The following LDLRAD4 variants were observed in gnomAD, a reference collection of about 807,000 sequenced individuals.
LDLRAD4 encodes the protein low-density lipoprotein receptor class A domain-containing protein 4.
A neutral mutation model predicts 17.0 loss-of-function variants in LDLRAD4; 5 were observed. The observed-to-expected ratio is 0.29, with a 90% CI of 0.15 to 0.62. LDLRAD4 has a LOEUF of 0.62. Among genes scored for constraint, LDLRAD4 ranks in the 20% least tolerant of loss-of-function variants. The pLI is 0.84. For missense variants in LDLRAD4, 340 were observed against 424.7 expected, an observed-to-expected ratio of 0.80 and a Z score of 1.75; for synonymous variants, 168 against 171.8, an observed-to-expected ratio of 0.98 and a Z score of 0.17.
chr18:13,223,497 C>G (rs563933499), intron 1 of LDLRAD4, among the ~76,000 whole-genome samples: 2 of 152,058 alleles, frequency 1.3e-5, no homozygotes, highest in African/African-American at 2.4e-5. Context: ...AGGGCTGGGC[C>G]GGCAATGCAC....
chr18:13,318,556 A>G (rs7230643), intron 1 of LDLRAD4, among the ~76,000 whole-genome samples: 1 of 152,040 alleles, frequency 6.6e-6, no homozygotes, highest in East Asian at 1.9e-4. Context: ...CTTAAGTGTG[A>G]CCTCATAAAA....
chr18:13,400,514 G>T (rs1166351487), intron 2 of LDLRAD4, among the ~76,000 whole-genome samples: 1 of 152,166 alleles, frequency 6.6e-6, no homozygotes, highest in Non-Finnish European at 1.5e-5. Context: ...TTCTCTTTGT[G>T]CAGTCCGTGC....
intron 1 of LDLRAD4, among the ~76,000 whole-genome samples, chr18:13,266,973 G>A (rs2044256194): frequency 6.6e-6 from 1 of 152,220 alleles, no homozygotes; most frequent in Non-Finnish European, 1.5e-5. Context: ...GAATCTCTTT[G>A]TGAAAGAACA....
intron 1 of LDLRAD4, among the ~76,000 whole-genome samples, chr18:13,368,986 G>A (rs1300976446): frequency 6.6e-6 from 1 of 152,210 alleles, no homozygotes; most frequent in Non-Finnish European, 1.5e-5. Context: ...TTACAGGTGT[G>A]AGCCACCGTG....
chr18:13,581,243 G>A (rs998452846), intron 3 of LDLRAD4, among the ~76,000 whole-genome samples: 3 of 152,188 alleles, frequency 2.0e-5, no homozygotes, highest in Non-Finnish European at 2.9e-5. Context: ...CACTTGTTGT[G>A]TCATGTCGGC....
intron 3 of LDLRAD4, among the ~76,000 whole-genome samples, chr18:13,513,523 T>G (rs2093815031): frequency 6.6e-6 from 1 of 152,228 alleles, no homozygotes; most frequent in Non-Finnish European, 1.5e-5. Flanking sequence ...GAGCTTCAGA[T>G]CTTCTTCTTG....
intron 3 of LDLRAD4, among the ~76,000 whole-genome samples, chr18:13,583,972 G>A (rs751288627): frequency 3.3e-5 from 5 of 152,046 alleles, no homozygotes; most frequent in Non-Finnish European, 7.4e-5. Context: ...TCCCATCTCC[G>A]CAGCCTCAGC....
intron 3 of LDLRAD4, among the ~76,000 whole-genome samples, chr18:13,578,418 C>T (rs1346934151): frequency 6.6e-6 from 1 of 152,222 alleles, no homozygotes; most frequent in Non-Finnish European, 1.5e-5. Flanking sequence ...TCTCCCACTT[C>T]CACCTGTGCC....
chr18:13,475,389 G>C (rs2092911103), intron 3 of LDLRAD4, among the ~76,000 whole-genome samples: 2 of 151,256 alleles, frequency 1.3e-5, no homozygotes, highest in South Asian at 4.2e-4. Context: ...AGCCTCCAGA[G>C]TAGCTGGGAC....
intron 3 of LDLRAD4, chr18:13,543,116 C>A (rs2094310158): frequency 6.6e-6 from 1 of 152,168 alleles, no homozygotes; most frequent in South Asian, 2.1e-4. Context: ...ATTTCTTTAA[C>A]ATGGTTCTTC....
chr18:13,618,191 G>A (rs2040261614), intron 3 of LDLRAD4, among the ~76,000 whole-genome samples: 1 of 152,214 alleles, frequency 6.6e-6, no homozygotes, highest in Non-Finnish European at 1.5e-5. Context: ...TGTATTAAGT[G>A]AAAAGACACA....
intron 3 of LDLRAD4, chr18:13,514,426 A>T (rs923069735): frequency 6.6e-5 from 10 of 152,336 alleles, no homozygotes; most frequent in South Asian, 6.2e-4. Context: ...TCCTCCATTT[A>T]TAAAGCTAAG....
intron 1 of LDLRAD4, among the ~76,000 whole-genome samples, chr18:13,375,233 G>GGAAAAGGAGGA (rs1238041069): frequency 1.3e-5 from 2 of 152,172 alleles, no homozygotes; most frequent in African/African-American, 4.8e-5. Context: ...AGAGGCCGGT[G>GGAAAAGGAGGA]GAAAAGGAGG....
intron 1 of LDLRAD4, among the ~76,000 whole-genome samples, chr18:13,383,321 C>G (rs2085528385): frequency 6.6e-6 from 1 of 152,218 alleles, no homozygotes; most frequent in African/African-American, 2.4e-5. Flanking sequence ...GCTCTCATGG[C>G]ACTTGTGGGG....
chr18:13,559,397 G>GT (rs566929102), intron 3 of LDLRAD4, among the ~76,000 whole-genome samples: 168 of 151,934 alleles, frequency 1.1e-3, no homozygotes, highest in African/African-American at 4.0e-3. Context: ...CTTCAGCCAA[G>GT]TTATTTGTAT....
upstream of LDLRAD4, among the ~76,000 whole-genome samples, chr18:13,276,605 C>G (rs2044881198): frequency 6.6e-6 from 1 of 152,234 alleles, no homozygotes; most frequent in Non-Finnish European, 1.5e-5. Flanking sequence ...CAGCTAGGGG[C>G]TGCTCTCAGG....
rs2084142672 is a variant in LDLRAD4 at position 13,367,470 on chromosome 18, T to A, written c.-382-19871T>A. ...AAAAGAGCCTGGCAGGTTTTGGAGGTGCACTGTATGCTCAGGAAGGATTCA... is the reference window on the plus strand; with the variant it reads ...AAAAGAGCCTGGCAGGTTTTGGAGGAGCACTGTATGCTCAGGAAGGATTCA... On this transcript the variant is annotated intron_variant, in intron 1 of 5. Transcript: ENST00000359446. The surrounding 1 kb of genome is among the most constrained non-coding windows in gnomAD (Gnocchi z 4.1). 6.6e-6 allele frequency among the ~76,000 whole-genome samples: 1 copy of A among 152,024 alleles called. No individual in the cohort carries two copies. The highest frequency in any genetic ancestry group is 6.5e-5 in the Admixed American group (1 of 15,278).
chr18:13,574,657 C>T (rs1329337590), intron 3 of LDLRAD4, among the ~76,000 whole-genome samples: 1 of 152,204 alleles, frequency 6.6e-6, no homozygotes, highest in African/African-American at 2.4e-5. Context: ...GTGAGCACTT[C>T]ACACTCTACC....
intron 1 of LDLRAD4, among the ~76,000 whole-genome samples, chr18:13,319,990 A>G (rs577745010): frequency 4.6e-4 from 70 of 152,222 alleles, no homozygotes; most frequent in Admixed American, 9.2e-4. Flanking sequence ...ACCAAAACCA[A>G]AAAACTATGT....
Sources: allele counts gnomAD v4.1 joint callset (sites outside exome capture counted in the v4.1 genomes callset), GRCh38; gene constraint gnomAD v4.1.1; non-coding constraint Gnocchi (gnomAD v3.1); transcripts MANE v1.5; gene names NCBI Gene and HGNC (gene_info 2026-07-23, HGNC 2026-07-21).